Variants in FAM163B observed in about 807,000 individuals in gnomAD.
FAM163B encodes the protein family with sequence similarity 163 member B, also known as protein FAM163B.
Under a neutral mutation model 7.6 loss-of-function variants are expected in FAM163B, and 4 were observed. The ratio of observed to expected loss-of-function variants is 0.52; its 90% confidence interval spans 0.26 to 1.20. FAM163B has a LOEUF of 1.20. Among genes scored for constraint, FAM163B ranks in the 50% most tolerant of loss-of-function variants. The pLI, the probability that FAM163B is intolerant of heterozygous loss-of-function variation, is 0.14. For synonymous variants in FAM163B, 120 were observed against 111.6 expected, an observed-to-expected ratio of 1.07 and a Z score of -0.47; for missense variants, 250 against 243.0, an observed-to-expected ratio of 1.03 and a Z score of -0.19.
intron 1 of FAM163B, among the ~76,000 whole-genome samples, chr9:133,589,231 TTAATAA>T (rs1483014056): frequency 6.6e-6 from 1 of 152,160 alleles, no homozygotes; most frequent in Non-Finnish European, 1.5e-5. Context: ...CCTATACCTC[TTAATAA>T]TAATAAGCAC....
At chr9:133,588,679 AC>A (rs1831487775) in intron 1 of FAM163B, among the ~76,000 whole-genome samples, 6 of 20,962 alleles carry the variant, frequency 2.9e-4, no homozygotes, top group East Asian at 1.5e-3. Context: ...GATCTAGCAT[AC>A]TGAGAGATCT....
At chr9:133,587,698 T>C (rs1350262518) in intron 1 of FAM163B, among the ~76,000 whole-genome samples, 1 of 152,034 alleles carries the variant, frequency 6.6e-6, no homozygotes, top group Non-Finnish European at 1.5e-5. Context: ...TCCCTGGGCC[T>C]CCTGGAGATG....
At chr9:133,587,497 G>A (rs1026573952) in intron 1 of FAM163B, among the ~76,000 whole-genome samples, 1 of 152,214 alleles carries the variant, frequency 6.6e-6, no homozygotes, top group Non-Finnish European at 1.5e-5. Context: ...AGGCCTCCTG[G>A]CCTCCATCAT....
At chr9:133,596,138 G>A (rs1345598322) in intron 1 of FAM163B, among the ~76,000 whole-genome samples, 2 of 152,130 alleles carry the variant, frequency 1.3e-5, no homozygotes, top group Non-Finnish European at 2.9e-5. Context: ...CTGGAGAGAA[G>A]GGGATGGGGG....
chr9:133,579,222 TG>T lies in FAM163B; in HGVS notation c.300del (p.Thr101ProfsTer15). The T allele has an allele frequency of 1.2e-6, 2 of 1,611,120 alleles. No homozygotes were observed. Among genetic ancestry groups the T allele is most frequent in the East Asian group, 2.2e-5 (1 of 44,844 alleles). On this transcript the variant is annotated frameshift_variant, in exon 3 of 3. Transcript: ENST00000673969. LOFTEE classifies it high-confidence loss of function. ...LCRSCSHCEP[P>X]TFFLQEPPEE... ...TCCGGCGGCTCCTGCAGGAAGAAGG[TG>T]GGGGGCTCGCAGTGGGAGCAGCTGC...
chr9:133,607,010 C>T (rs1831798056), intron 1 of FAM163B, among the ~76,000 whole-genome samples: 1 of 152,144 alleles, frequency 6.6e-6, no homozygotes, highest in Admixed American at 6.5e-5. Flanking sequence ...CGGGGGTGAT[C>T]ATGTGAGTAG....
intron 1 of FAM163B, among the ~76,000 whole-genome samples, chr9:133,597,052 A>G (rs1356817511): frequency 2.0e-5 from 3 of 152,240 alleles, no homozygotes; most frequent in Non-Finnish European, 4.4e-5. Flanking sequence ...GTATTGCAAT[A>G]TAACAATGAA....
Position 133,578,151 on chromosome 9 carries a change from G to C in FAM163B, c.*871C>G, listed in dbSNP as rs1434489116. On this transcript the variant is annotated 3_prime_UTR_variant, in exon 3 of 3. Transcript: ENST00000673969. ...GCCAAGTCTCACGGGGAACTCGGGG[G>C]TTTTCAACCCCTGGGCCATGGCTCT... Among the ~76,000 whole-genome samples, 1 of 144,532 alleles carries C rather than the reference G, an allele frequency of 6.9e-6. No individual in the cohort carries two copies. The highest frequency in any genetic ancestry group is 2.6e-5 in the African/African-American group (1 of 38,148). The allele number at this position is 144,532 out of a possible 152,430, so 94.8% of individuals were successfully genotyped here.
At chr9:133,590,820 C>T (rs1055589140) in intron 1 of FAM163B, among the ~76,000 whole-genome samples, 1 of 152,144 alleles carries the variant, frequency 6.6e-6, no homozygotes, top group African/African-American at 2.4e-5. Context: ...CCTGAGGGGC[C>T]GCTGGGTGTC....
chr9:133,583,950 A>T (rs1831394429), intron 1 of FAM163B, among the ~76,000 whole-genome samples: 2 of 152,074 alleles, frequency 1.3e-5, no homozygotes, highest in African/African-American at 2.4e-5. Flanking sequence ...ATCAGACCAC[A>T]GTTCACTCCG....
At chr9:133,582,178 G>C (rs1831365968) in intron 1 of FAM163B, among the ~76,000 whole-genome samples, 2 of 152,174 alleles carry the variant, frequency 1.3e-5, no homozygotes, top group Non-Finnish European at 2.9e-5. Flanking sequence ...GGCCAGCCCA[G>C]ATCCACACCT....
intron 1 of FAM163B, among the ~76,000 whole-genome samples, chr9:133,602,542 GC>G (rs1467008599): frequency 2.6e-5 from 4 of 152,148 alleles, no homozygotes; most frequent in Non-Finnish European, 5.9e-5. Flanking sequence ...GGACGGCTCA[GC>G]CCAGGGGTGA....
Position 133,599,869 on chromosome 9 carries a change from GTGTC to G in FAM163B, c.-24+9204_-24+9207del, listed in dbSNP as rs746266018. Reference sequence around the variant, plus strand: ...AGTGTGTGTGCATGTGTGTGCTAGTGTGTCTGTGTGCATGCATATGCATGTGCAA... The same window carrying G: ...AGTGTGTGTGCATGTGTGTGCTAGTGTGTGTGCATGCATATGCATGTGCAA... On this transcript the variant is annotated intron_variant, in intron 1 of 2. Coordinates refer to ENST00000673969, the MANE Select transcript of FAM163B (RefSeq NM_001080515.3). Among the ~76,000 whole-genome samples the G allele has an allele frequency of 6.6e-5, 10 of 151,190 alleles. No individual in the cohort carries two copies. The South Asian group carries it at 1.0e-3, about 16-fold the overall frequency.
rs575538485 is a variant in FAM163B, at chr9:133,597,859, G to A, written c.-24+11218C>T. Among the ~76,000 whole-genome samples the A allele has an allele frequency of 3.5e-4, 53 of 152,134 alleles. 1 individual carries two copies. In the South Asian group the frequency reaches 0.01, roughly 29 times the overall value. On this transcript the variant is annotated intron_variant, in intron 1 of 2. Transcript: ENST00000673969. ...TCGAGTGCTAAAAAAAAAGAAGGCC[G>A]TCAACCTGGAACGTGCAATCCAGAA...
chr9:133,600,202 TGTGA>T lies in FAM163B; in HGVS notation c.-24+8871_-24+8874del, dbSNP rs542067989. On this transcript the variant is annotated intron_variant, in intron 1 of 2. Coordinates refer to ENST00000673969, the MANE Select transcript of FAM163B (RefSeq NM_001080515.3). This position sits in a 1 kb window ranked among gnomAD's most constrained non-coding sequence, Gnocchi z 4.9. ...CATGTGTATGTGGGAATGTGGTCTGTGTGAGTGTGTGTGTGTGGGGGGGAATGTG... is the reference window on the plus strand; with the variant it reads ...CATGTGTATGTGGGAATGTGGTCTGTGTGTGTGTGTGTGGGGGGGAATGTG... Among the ~76,000 whole-genome samples, 46 of 150,274 alleles carry T rather than the reference TGTGA, an allele frequency of 3.1e-4. No homozygotes were observed. In the South Asian group the frequency reaches 9.3e-3, roughly 30 times the overall value.
intron 1 of FAM163B, among the ~76,000 whole-genome samples, chr9:133,596,032 G>A (rs73557628): frequency 0.014 from 2,135 of 152,196 alleles, 67 homozygotes; most frequent in African/African-American, 0.048. Flanking sequence ...CTGTGGCTGC[G>A]GGTGCAAGGC....
rs3025324 is a variant in FAM163B, at chr9:133,601,526, C to T, written c.-24+7551G>A. Among the ~76,000 whole-genome samples the T allele has an allele frequency of 0.56, 84,529 of 151,934 alleles. 24,720 individuals are homozygous for T. Among genetic ancestry groups the T allele is most frequent in the African/African-American group, 0.75 (31,220 of 41,428 alleles). On this transcript the variant is annotated intron_variant, in intron 1 of 2. Transcript: ENST00000673969. The surrounding 1 kb of genome is among the most constrained non-coding windows in gnomAD (Gnocchi z 4.1). The stretch of plus-strand genomic sequence containing the variant: ...ACCCACTCTCTCTGGAGTTCCCTTC[C>T]GATTACTGAAACCCCCATAACTGGA...
chr9:133,590,784 T>C (rs1322630279), intron 1 of FAM163B, among the ~76,000 whole-genome samples: 1 of 151,978 alleles, frequency 6.6e-6, no homozygotes, highest in Non-Finnish European at 1.5e-5. Flanking sequence ...AGCCAGGAAT[T>C]CCAGCCCTTA....
chr9:133,581,936 T>C (rs1476065524), intron 1 of FAM163B, among the ~76,000 whole-genome samples: 2 of 152,230 alleles, frequency 1.3e-5, no homozygotes, highest in Non-Finnish European at 2.9e-5. Flanking sequence ...GTTACTTCAC[T>C]AGGAGTTACA....
Sources: gnomAD v4.1 joint callset for allele counts (sites outside exome capture counted in the v4.1 genomes callset) on GRCh38, gnomAD v4.1.1 for gene constraint, Gnocchi (gnomAD v3.1) non-coding constraint, MANE v1.5 for transcripts, NCBI Gene and HGNC (gene_info 2026-07-23, HGNC 2026-07-21) for gene names.